Variants in FIGN observed in about 807,000 individuals in gnomAD.
FIGN encodes the protein fidgetin, microtubule severing factor.
Under a neutral mutation model 51.3 loss-of-function variants are expected in FIGN, and 11 were observed. That is an observed-to-expected ratio of 0.21 (90% CI 0.13 to 0.35). FIGN has a LOEUF of 0.35. Ranked by LOEUF, FIGN falls within the 10% of genes least tolerant of loss-of-function variation. The pLI, the probability that FIGN is intolerant of heterozygous loss-of-function variation, is 1.00. For missense variants in FIGN, 857 were observed against 943.6 expected (o/e 0.91, Z 1.20); for synonymous variants, 407 against 363.2 (o/e 1.12, Z -1.37).
intron 2 of FIGN, among the ~76,000 whole-genome samples, chr2:163,656,504 C>G (rs535248425): frequency 6.6e-6 from 1 of 152,106 alleles, no homozygotes; most frequent in African/African-American, 2.4e-5. Context: ...CAAGGCAGGC[C>G]ACACTCCTGG....
At chr2:163,660,684 TACAC>T (rs1249585768) in intron 2 of FIGN, among the ~76,000 whole-genome samples, 3 of 118,846 alleles carry the variant, frequency 2.5e-5, no homozygotes, top group Admixed American at 9.4e-5. Flanking sequence ...TATATATATA[TACAC>T]ATATACATAT....
chr2:163,611,578 C>G lies in FIGN; in HGVS notation c.254G>C (p.Arg85Pro). Residue 85 changes from arginine to proline, a missense_variant, in exon 3 of 3, where the codon CGA (arginine) becomes CCA (proline). Physicochemically the swap from Arg to Pro is moderately radical, Grantham distance 103 (BLOSUM62 -2). Around this residue, in one of 3 missense-constraint regions of FIGN, gnomAD observed 799 missense variants for 849.5 expected, o/e 0.94. Transcript: ENST00000333129. ...YSGILEGPVDRPVLSNYSDTP... is the reference protein window; with the variant it reads ...YSGILEGPVDPPVLSNYSDTP... ...GTCCGAATAGTTGCTGAGTACGGGT[C>G]GGTCCACAGGACCTTCCAAAATGCC... The G allele has an allele frequency of 6.2e-7, 1 of 1,614,218 alleles. No homozygotes were observed. The highest frequency in any genetic ancestry group is 1.1e-5 in the South Asian group (1 of 91,076).
At chr2:163,666,654 T>C (rs899384497) in intron 2 of FIGN, among the ~76,000 whole-genome samples, 4 of 152,186 alleles carry the variant, frequency 2.6e-5, no homozygotes, top group Admixed American at 6.5e-5. Flanking sequence ...ATTCTTTGAG[T>C]ACATGGTTAA....
intron 2 of FIGN, among the ~76,000 whole-genome samples, chr2:163,626,047 G>C (rs145914685): frequency 6.6e-6 from 1 of 151,958 alleles, no homozygotes; most frequent in Non-Finnish European, 1.5e-5. Flanking sequence ...CAAGCTTCAC[G>C]ACTCCTAATT....
At chr2:163,627,513 C>T (rs1683071756) in intron 2 of FIGN, among the ~76,000 whole-genome samples, 1 of 152,086 alleles carries the variant, frequency 6.6e-6, no homozygotes, top group Non-Finnish European at 1.5e-5. Context: ...TCAAGTAAGA[C>T]TTTTGGACGA....
chr2:163,705,684 C>A (rs2105353530), intron 2 of FIGN, among the ~76,000 whole-genome samples: 1 of 150,904 alleles, frequency 6.6e-6, no homozygotes. Flanking sequence ...CAAGATTACT[C>A]CCCACAACTC....
At chr2:163,711,104 CA>C (rs1421189689) in intron 2 of FIGN, among the ~76,000 whole-genome samples, 1 of 152,084 alleles carries the variant, frequency 6.6e-6, no homozygotes, top group East Asian at 1.9e-4. Context: ...CTTTTTACTC[CA>C]AAGGCATTCC....
At chr2:163,625,328 AAAC>A (rs1379352510) in intron 2 of FIGN, among the ~76,000 whole-genome samples, 1 of 152,076 alleles carries the variant, frequency 6.6e-6, no homozygotes, top group Non-Finnish European at 1.5e-5. Context: ...ATTCTGAAAG[AAAC>A]AACTAAAGAA....
At chr2:163,717,406 C>T (rs180873202) in intron 2 of FIGN, among the ~76,000 whole-genome samples, 9 of 152,088 alleles carry the variant, frequency 5.9e-5, no homozygotes, top group African/African-American at 1.9e-4. Flanking sequence ...AACCTAAAAG[C>T]GTTTTCTACT....
chr2:163,658,371 CT>C (rs1683596591), intron 2 of FIGN, among the ~76,000 whole-genome samples: 1 of 11,390 alleles, frequency 8.8e-5, no homozygotes, highest in South Asian at 3.6e-3. Flanking sequence ...ACAGCTCTCT[CT>C]CTCTCTCTCT....
chr2:163,698,983 T>C (rs1162589172), intron 2 of FIGN, among the ~76,000 whole-genome samples: 3 of 152,154 alleles, frequency 2.0e-5, no homozygotes, highest in Admixed American at 6.5e-5. Context: ...GGCAGTCTCA[T>C]GTTGACAAAG....
intron 2 of FIGN, among the ~76,000 whole-genome samples, chr2:163,639,799 G>A (rs1475872049): frequency 6.6e-6 from 1 of 152,032 alleles, no homozygotes; most frequent in Admixed American, 6.6e-5. Flanking sequence ...CCCCAAGGAA[G>A]ACTAAAATTC....
chr2:163,729,209 C>G (rs1420008745), intron 2 of FIGN, among the ~76,000 whole-genome samples: 3 of 151,902 alleles, frequency 2.0e-5, no homozygotes, highest in South Asian at 2.1e-4. Context: ...TACATACACA[C>G]ATATATATTT....
At chr2:163,723,985 C>G (rs1438056493) in intron 2 of FIGN, among the ~76,000 whole-genome samples, 1 of 152,254 alleles carries the variant, frequency 6.6e-6, no homozygotes, top group East Asian at 1.9e-4. Context: ...TATTTTGCAT[C>G]TTTTAGACGA....
At chr2:163,717,370 C>G (rs535907733) in intron 2 of FIGN, among the ~76,000 whole-genome samples, 45 of 152,222 alleles carry the variant, frequency 3.0e-4, no homozygotes, top group African/African-American at 1.0e-3. Flanking sequence ...TGTATATCCA[C>G]CATCCTAGGG....
At chr2:163,725,000 C>A (rs1684818046) in intron 2 of FIGN, among the ~76,000 whole-genome samples, 1 of 152,018 alleles carries the variant, frequency 6.6e-6, no homozygotes, top group African/African-American at 2.4e-5. Flanking sequence ...TGTGTAACAA[C>A]CACATGAAAA....
In FIGN at chr2:163,605,504, C is replaced by CATA. The variant is rs1237333530; in HGVS notation, c.*4047_*4048insTAT. The CATA allele has an allele frequency of 2.0e-5, 3 of 152,094 alleles. No homozygotes were observed. The East Asian group carries it at 5.8e-4, about 29-fold the overall frequency. The allele number at this position is 152,094 out of a possible 1,614,324, so 9.4% of individuals were successfully genotyped here. On this transcript the variant is annotated 3_prime_UTR_variant, in exon 3 of 3. Coordinates refer to ENST00000333129, the MANE Select transcript of FIGN (RefSeq NM_018086.4). The stretch of plus-strand genomic sequence containing the variant: ...AATTGTAACATGATCATGTGTATCT[C>CATA]TGCACATATGAAGAAAGGAAGTAAC...
At chr2:163,616,979 C>T in intron 2 of FIGN, 1 of 458,956 alleles carries the variant, frequency 2.2e-6, no homozygotes, top group Non-Finnish European at 2.9e-6. Context: ...TGGCCCTGTG[C>T]AATATCTACT....
intron 2 of FIGN, 82 bp downstream of exon 2, chr2:163,734,821 C>A (rs1684990381): frequency 7.8e-7 from 1 of 1,278,922 alleles, no homozygotes; most frequent in South Asian, 1.4e-5. Context: ...GCTTGCCAGG[C>A]AGTCTTCAAT....
Sources: allele counts gnomAD v4.1 joint callset (sites outside exome capture counted in the v4.1 genomes callset), GRCh38; gene constraint gnomAD v4.1.1; regional missense constraint gnomAD v4.1.1; transcripts MANE v1.5; gene names NCBI Gene and HGNC (gene_info 2026-07-23, HGNC 2026-07-21).